NBEAL1: variants seen among roughly 807,000 people sequenced by gnomAD.
The protein encoded by NBEAL1 is neurobeachin like 1.
In NBEAL1, 273 loss-of-function variants were observed where a neutral mutation model predicts 351.3. That is an observed-to-expected ratio of 0.78 (90% confidence interval 0.70 to 0.86). The LOEUF (loss-of-function observed/expected upper bound fraction) is 0.86, where lower values mean the gene tolerates loss of function less well. NBEAL1 is among the 40% of genes least tolerant of loss of function. The pLI, the probability that NBEAL1 is intolerant of heterozygous loss-of-function variation, is 0.00. For synonymous variants in NBEAL1, 1,050 were observed against 1,086.4 expected (o/e 0.97, Z 0.66); for missense variants, 2,961 against 3,201.3 (o/e 0.92, Z 1.81).
chr2:203,040,435 C>T, intron 2 of NBEAL1: 1 of 720,346 alleles, frequency 1.4e-6, no homozygotes, highest in East Asian at 2.6e-5. Context: ...CGTTGTAAGA[C>T]TTCGCCTGAA....
chr2:203,066,253 T>G (rs1204541583), intron 6 of NBEAL1, among the ~76,000 whole-genome samples: 1 of 152,188 alleles, frequency 6.6e-6, no homozygotes, highest in Non-Finnish European at 1.5e-5. Flanking sequence ...ATACCATAAT[T>G]TTTAATGAAT....
At chr2:203,177,757 A>G (rs917169719) in intron 42 of NBEAL1, among the ~76,000 whole-genome samples, 1 of 152,120 alleles carries the variant, frequency 6.6e-6, no homozygotes, top group Non-Finnish European at 1.5e-5. Flanking sequence ...GGTGGCTCAC[A>G]CCTATAATCC....
chr2:203,046,144 A>G (rs2061221424), intron 3 of NBEAL1, among the ~76,000 whole-genome samples: 2 of 152,066 alleles, frequency 1.3e-5, no homozygotes, highest in Admixed American at 6.5e-5. Context: ...GCAAGACCCT[A>G]TCTCTTAAAA....
intron 36 of NBEAL1, among the ~76,000 whole-genome samples, chr2:203,160,155 C>T (rs1452132474): frequency 6.7e-6 from 1 of 149,780 alleles, no homozygotes; most frequent in Non-Finnish European, 1.5e-5. Context: ...TCTTGGCTCA[C>T]TGCAACCTCT....
intron 18 of NBEAL1, among the ~76,000 whole-genome samples, chr2:203,121,048 G>C (rs1299491799): frequency 1.3e-5 from 2 of 152,180 alleles, no homozygotes; most frequent in Non-Finnish European, 2.9e-5. Context: ...TGAATATGAA[G>C]TTAACATGCC....
chr2:203,084,125 T>C (rs2106167247), intron 9 of NBEAL1, among the ~76,000 whole-genome samples: 1 of 152,240 alleles, frequency 6.6e-6, no homozygotes, highest in South Asian at 2.1e-4. Flanking sequence ...TGATTTCTTA[T>C]TGTGTTCCCA....
rs376607855 is a variant in NBEAL1, at chr2:203,178,656, C to A, written c.6465-1726C>A. Among the ~76,000 whole-genome samples the A allele has an allele frequency of 1.1e-4, 17 of 152,138 alleles. No individual in the cohort carries two copies. In the East Asian group the frequency reaches 2.9e-3, roughly 26 times the overall value. On this transcript the variant is annotated intron_variant, in intron 42 of 55. Coordinates refer to ENST00000683969, the MANE Select transcript of NBEAL1 (RefSeq NM_001378026.1). The stretch of plus-strand genomic sequence containing the variant: ...TATGCCAAATGAAATAAGCCAGATA[C>A]AAAAGGGCACATATTACATGACTTA...
chr2:203,172,751 A>G lies in NBEAL1; in HGVS notation c.6221A>G (p.Tyr2074Cys), dbSNP rs752094324. 3.7e-6 allele frequency: 6 copies of G among 1,610,756 alleles called. No individual in the cohort carries two copies. The highest frequency in any genetic ancestry group is 1.1e-5 in the South Asian group (1 of 90,218). ...YPVFPWILQD[Y>C]TSEELDLNNP... is the part of the protein sequence containing the mutation. ...TAGTTTCCCTGGATTTTACAAGATTATACTTCGGAAGAGTTGGACCTTAAT... is the reference window on the plus strand; with the variant it reads ...TAGTTTCCCTGGATTTTACAAGATTGTACTTCGGAAGAGTTGGACCTTAAT... The change falls in exon 41 of 56, where the codon TAT becomes TGT. Residue 2074 changes from tyrosine to cysteine, a missense_variant. Tyr to Cys is a radical substitution (Grantham distance 194, BLOSUM62 -2). Coordinates refer to ENST00000683969, the MANE Select transcript of NBEAL1 (RefSeq NM_001378026.1).
At chr2:203,153,743 C>T (rs2063722727) in intron 35 of NBEAL1, among the ~76,000 whole-genome samples, 1 of 152,164 alleles carries the variant, frequency 6.6e-6, no homozygotes, top group Non-Finnish European at 1.5e-5. Context: ...TAACACCCAA[C>T]AAACATCTTT....
intron 6 of NBEAL1, among the ~76,000 whole-genome samples, chr2:203,059,892 T>C (rs2061469636): frequency 6.6e-6 from 1 of 152,242 alleles, no homozygotes; most frequent in Non-Finnish European, 1.5e-5. Context: ...GCTTCATCTG[T>C]AGCCTTTATA....
At chr2:203,139,928 G>A (rs2063324530) in intron 31 of NBEAL1, among the ~76,000 whole-genome samples, 1 of 151,922 alleles carries the variant, frequency 6.6e-6, no homozygotes, top group Non-Finnish European at 1.5e-5. Context: ...ATATTATTGT[G>A]AATGCTGCAT....
At chr2:203,035,912 G>C (rs1367759424) in intron 2 of NBEAL1, among the ~76,000 whole-genome samples, 2 of 149,160 alleles carry the variant, frequency 1.3e-5, no homozygotes, top group East Asian at 3.9e-4. Flanking sequence ...CTATGTGCTA[G>C]GCATTCTAAG....
At chr2:203,215,456 C>T (rs944081844) in intron 55 of NBEAL1, among the ~76,000 whole-genome samples, 1 of 152,038 alleles carries the variant, frequency 6.6e-6, no homozygotes, top group Non-Finnish European at 1.5e-5. Flanking sequence ...TTGCAGTGAG[C>T]CGAGATTGTG....
intron 18 of NBEAL1, among the ~76,000 whole-genome samples, chr2:203,121,973 A>G (rs2062842256): frequency 6.6e-6 from 1 of 151,784 alleles, no homozygotes; most frequent in African/African-American, 2.4e-5. Flanking sequence ...TTTAGTAGAG[A>G]TGGGGTTTTA....
At chr2:203,148,859 C>A in intron 33 of NBEAL1, 132 bp from the exon 34 acceptor site, 2 of 581,008 alleles carry the variant, frequency 3.4e-6, no homozygotes, top group Non-Finnish European at 2.7e-6. Context: ...ATAAGAAAAG[C>A]CTATTGGTTA....
chr2:203,030,310 A>G (rs1413829042), intron 2 of NBEAL1, among the ~76,000 whole-genome samples: 1 of 152,210 alleles, frequency 6.6e-6, no homozygotes, highest in East Asian at 1.9e-4. Context: ...ACTTAGGTAA[A>G]TGAAAGTCTC....
chr2:203,087,571 A>G (rs570923201), intron 10 of NBEAL1, among the ~76,000 whole-genome samples: 17 of 152,334 alleles, frequency 1.1e-4, no homozygotes, highest in African/African-American at 4.1e-4. Flanking sequence ...AGGCCTGCCT[A>G]TTAAGCCTTT....
chr2:203,138,475 A>C, intron 30 of NBEAL1, 145 bp from the exon 31 acceptor site: 1 of 1,016,204 alleles, frequency 9.8e-7, no homozygotes, highest in Non-Finnish European at 1.4e-6. Flanking sequence ...AGCTATTACT[A>C]GGATGATTCT....
intron 2 of NBEAL1, among the ~76,000 whole-genome samples, chr2:203,024,162 G>A (rs1190526014): frequency 1.3e-5 from 2 of 149,770 alleles, no homozygotes; most frequent in African/African-American, 2.5e-5. Context: ...TGCCACTCTA[G>A]TCCAGCCTGG....
Sources: allele counts gnomAD v4.1 joint callset (sites outside exome capture counted in the v4.1 genomes callset), GRCh38; gene constraint gnomAD v4.1.1; transcripts MANE v1.5; gene names NCBI Gene and HGNC (gene_info 2026-07-23, HGNC 2026-07-21).